The following FSTL4 variants were observed in gnomAD, a reference collection of about 807,000 sequenced individuals.
FSTL4 encodes follistatin like 4.
In FSTL4, 28 loss-of-function variants were observed where a neutral mutation model predicts 78.2. The ratio of observed to expected loss-of-function variants is 0.36; its 90% CI spans 0.27 to 0.49. The LOEUF is 0.49. Ranked by LOEUF, FSTL4 falls within the 20% of genes least tolerant of loss-of-function variation. The pLI, the probability that FSTL4 is intolerant of heterozygous loss-of-function variation, is 0.98. For missense variants in FSTL4, 922 were observed against 1,084.9 expected (o/e 0.85, Z 2.11); for synonymous variants, 422 against 440.5 (o/e 0.96, Z 0.53).
chr5:133,378,854 C>T (rs1275956983), intron 4 of FSTL4, among the ~76,000 whole-genome samples: 1 of 151,810 alleles, frequency 6.6e-6, no homozygotes, highest in African/African-American at 2.4e-5. Context: ...GAGGGAGAAA[C>T]AGAGGAATAA....
intron 7 of FSTL4, among the ~76,000 whole-genome samples, chr5:133,241,747 C>A (rs1420629153): frequency 6.6e-6 from 1 of 152,204 alleles, no homozygotes; most frequent in African/African-American, 2.4e-5. Flanking sequence ...CTCACACCTG[C>A]TGCTTTCCTT....
intron 2 of FSTL4, among the ~76,000 whole-genome samples, chr5:133,597,853 G>A (rs113362681): frequency 0.094 from 14,254 of 152,166 alleles, 807 homozygotes; most frequent in African/African-American, 0.16. Context: ...GGGGAGCCAC[G>A]GTGGTAAGCA....
In FSTL4 at chr5:133,540,720, CAAAAAAA is replaced by C. The variant is rs79162509; in HGVS notation, c.160+26459_160+26465del. 2.1e-4 allele frequency among the ~76,000 whole-genome samples: 15 copies of C among 70,258 alleles called. No individual in the cohort carries two copies. In the East Asian group the frequency reaches 2.6e-3, roughly 12 times the overall value. 46.1% of individuals were successfully genotyped at this position (70,258 alleles called of 152,430 possible). ...TCTCCCTCTCATGTTTTAACATAGG[CAAAAAAA>C]AAAAAAAAAAAAGAAAGAAAAAAAC... On this transcript the variant is annotated intron_variant, in intron 3 of 15. Coordinates refer to ENST00000265342, the MANE Select transcript of FSTL4 (RefSeq NM_015082.2).
At chr5:133,205,373 G>C (rs2126764352) in intron 14 of FSTL4, among the ~76,000 whole-genome samples, 1 of 123,734 alleles carries the variant, frequency 8.1e-6, no homozygotes, top group Middle Eastern at 4.1e-3. Flanking sequence ...TGGATTCTAT[G>C]TCTTTTTCTT....
chr5:133,651,870 C>A, the FSTL4 span, among the ~76,000 whole-genome samples: 1 of 152,016 alleles, frequency 6.6e-6, no homozygotes, highest in Non-Finnish European at 1.5e-5. Flanking sequence ...ATAATTTTTT[C>A]CTTAAATGTT....
At chr5:133,518,828 A>G (rs1405450504) in intron 3 of FSTL4, among the ~76,000 whole-genome samples, 2 of 152,240 alleles carry the variant, frequency 1.3e-5, no homozygotes, top group Admixed American at 6.5e-5. Context: ...CAAATTGGCT[A>G]CAATGCAAAT....
At chr5:133,652,323 T>A in the FSTL4 span, among the ~76,000 whole-genome samples, 1 of 152,152 alleles carries the variant, frequency 6.6e-6, no homozygotes, top group African/African-American at 2.4e-5. Context: ...TTTTCTAGTT[T>A]CCCAAGGTGG....
At chr5:133,832,807 A>C in the FSTL4 span, among the ~76,000 whole-genome samples, 1 of 152,370 alleles carries the variant, frequency 6.6e-6, no homozygotes, top group South Asian at 2.1e-4. Flanking sequence ...CTTTGTGGTC[A>C]TATGGCCACT....
chr5:133,501,440 A>G (rs560693588), intron 3 of FSTL4, among the ~76,000 whole-genome samples: 48 of 152,270 alleles, frequency 3.2e-4, no homozygotes, highest in Non-Finnish European at 5.6e-4. Flanking sequence ...TGGAAGGAGA[A>G]CAGTGCAGTC....
chr5:133,349,677 G>A (rs1477278482), intron 4 of FSTL4, among the ~76,000 whole-genome samples: 1 of 146,406 alleles, frequency 6.8e-6, no homozygotes, highest in Admixed American at 6.9e-5. Context: ...TGTTTGTCAT[G>A]CTGCCATGCG....
intron 3 of FSTL4, among the ~76,000 whole-genome samples, chr5:133,414,579 A>G (rs1215187149): frequency 1.3e-5 from 2 of 152,178 alleles, no homozygotes; most frequent in Non-Finnish European, 2.9e-5. Flanking sequence ...TTTCACTTGT[A>G]TTTTTAGCCT....
At chr5:133,606,221 A>G (rs1414666578) in intron 1 of FSTL4, among the ~76,000 whole-genome samples, 1 of 152,170 alleles carries the variant, frequency 6.6e-6, no homozygotes, top group Non-Finnish European at 1.5e-5. Context: ...CCTGGGTTCA[A>G]GTGATTCTCC....
the FSTL4 span, among the ~76,000 whole-genome samples, chr5:133,818,372 GC>G: frequency 6.6e-6 from 1 of 152,204 alleles, no homozygotes; most frequent in South Asian, 2.1e-4. Context: ...GGGTCTTGCT[GC>G]TTTGGGTCAC....
intron 3 of FSTL4, among the ~76,000 whole-genome samples, chr5:133,493,919 T>A (rs1758320582): frequency 1.3e-5 from 2 of 152,222 alleles, no homozygotes; most frequent in Non-Finnish European, 2.9e-5. Context: ...CAATATTTAT[T>A]TTCTTCTGAG....
intron 6 of FSTL4, among the ~76,000 whole-genome samples, chr5:133,291,410 G>C (rs6877759): frequency 0.17 from 25,859 of 152,154 alleles, 2,576 homozygotes; most frequent in African/African-American, 0.27. Context: ...GGTTTTACTG[G>C]AACACAGACA....
the FSTL4 span, among the ~76,000 whole-genome samples, chr5:133,648,668 A>AGGGCAAAGAAAG: frequency 6.6e-6 from 1 of 152,226 alleles, no homozygotes; most frequent in East Asian, 1.9e-4. Flanking sequence ...GACACTCTGC[A>AGGGCAAAGAAAG]GGGCAAAGAA....
At chr5:133,201,081 G>A (rs987855138) in intron 15 of FSTL4, among the ~76,000 whole-genome samples, 2 of 152,182 alleles carry the variant, frequency 1.3e-5, no homozygotes, top group Non-Finnish European at 2.9e-5. Context: ...GAGGGTGAAT[G>A]GGTGCATCTC....
At chr5:133,230,362 C>T (rs1252732311) in intron 8 of FSTL4, among the ~76,000 whole-genome samples, 1 of 152,192 alleles carries the variant, frequency 6.6e-6, no homozygotes, top group Non-Finnish European at 1.5e-5. Flanking sequence ...GACTTGGAAG[C>T]TCTCCCAGAC....
the FSTL4 span, among the ~76,000 whole-genome samples, chr5:133,827,811 C>T: frequency 0.029 from 4,350 of 151,860 alleles, 214 homozygotes; most frequent in African/African-American, 0.099. Flanking sequence ...CCAGGGTTGA[C>T]AAAGGACAGA....
Sources: gnomAD v4.1 joint callset for allele counts (sites outside exome capture counted in the v4.1 genomes callset) on GRCh38, gnomAD v4.1.1 for gene constraint, MANE v1.5 for transcripts, NCBI Gene and HGNC (gene_info 2026-07-23, HGNC 2026-07-21) for gene names.